The following PTPRN2 variants were observed in gnomAD, a reference collection of about 807,000 sequenced individuals.
The protein encoded by PTPRN2 is protein tyrosine phosphatase receptor type N2.
PTPRN2 carries 74 observed loss-of-function variants against 118.8 expected under a neutral mutation model. That is an observed-to-expected ratio of 0.62 (90% CI 0.52 to 0.76). The LOEUF is 0.76. Ranked by LOEUF, PTPRN2 falls within the 30% of genes least tolerant of loss-of-function variation. PTPRN2 has a pLI of 0.00. For missense variants in PTPRN2, 1,481 were observed against 1,394.4 expected (o/e 1.06, Z -0.99); for synonymous variants, 641 against 608.0 (o/e 1.05, Z -0.80).
In PTPRN2 at chr7:157,750,697, C is replaced by T. The variant is rs910812304; in HGVS notation, c.1789-67760G>A. ...CAAACTCCTGAGGCTTTCAGTTGTC[C>T]TCTCCCTCCGGCTCCAGTGTCGAGT... On this transcript the variant is annotated intron_variant, in intron 12 of 22. Transcript: ENST00000389418. 4.6e-5 allele frequency among the ~76,000 whole-genome samples: 7 copies of T among 152,242 alleles called. No individual in the cohort carries two copies. In the East Asian group the frequency reaches 7.7e-4, roughly 17 times the overall value.
Position 157,893,825 on chromosome 7 carries a change from A to G in PTPRN2, c.1788+4848T>C, listed in dbSNP as rs1175687846. 6.6e-6 allele frequency among the ~76,000 whole-genome samples: 1 copy of G among 152,172 alleles called. No homozygotes were observed. The highest frequency in any genetic ancestry group is 1.9e-4 in the East Asian group (1 of 5,178). On this transcript the variant is annotated intron_variant, in intron 12 of 22. Transcript: ENST00000389418. The surrounding 1 kb of genome is among the most constrained non-coding windows in gnomAD (Gnocchi z 4.0). ...ACAGGAGACAGCACCGGCAGAAAGGAGGAGGGAGCCAGGCCCTGGAGAGTC... is the reference window on the plus strand; with the variant it reads ...ACAGGAGACAGCACCGGCAGAAAGGGGGAGGGAGCCAGGCCCTGGAGAGTC...
intron 12 of PTPRN2, among the ~76,000 whole-genome samples, chr7:157,877,546 C>T (rs1017787813): frequency 3.9e-5 from 6 of 152,100 alleles, no homozygotes; most frequent in African/African-American, 1.4e-4. Context: ...ATCCCAGGTC[C>T]GAGTGCCCTA....
intron 12 of PTPRN2, among the ~76,000 whole-genome samples, chr7:157,684,347 G>A (rs1797058725): frequency 6.6e-6 from 1 of 150,668 alleles, no homozygotes; most frequent in African/African-American, 2.4e-5. Flanking sequence ...CCGCGGAGAG[G>A]GAGGGAGGCT....
At chr7:158,017,130 T>G (rs895004207) in intron 11 of PTPRN2, among the ~76,000 whole-genome samples, 1 of 152,378 alleles carries the variant, frequency 6.6e-6, no homozygotes, top group Non-Finnish European at 1.5e-5. Flanking sequence ...TGGTGCTTCT[T>G]GAAATGCATT....
At chr7:158,050,967 TG>T (rs1203336614) in intron 11 of PTPRN2, among the ~76,000 whole-genome samples, 1 of 152,056 alleles carries the variant, frequency 6.6e-6, no homozygotes, top group Non-Finnish European at 1.5e-5. Context: ...CCACCTGGAG[TG>T]GAAGGTCACC....
intron 5 of PTPRN2, among the ~76,000 whole-genome samples, chr7:158,173,958 CAT>C (rs1476212164): frequency 3.7e-4 from 56 of 152,324 alleles, no homozygotes; most frequent in African/African-American, 1.2e-3. Flanking sequence ...TGTTCAAACA[CAT>C]GTTTTACAGT....
intron 2 of PTPRN2, among the ~76,000 whole-genome samples, chr7:158,472,499 G>A (rs548358625): frequency 7.2e-5 from 11 of 152,152 alleles, no homozygotes; most frequent in Non-Finnish European, 1.5e-4. Flanking sequence ...ATTACTTTAC[G>A]CCATTTCAGT....
chr7:157,842,012 T>C (rs1485128622), intron 12 of PTPRN2, among the ~76,000 whole-genome samples: 1 of 152,236 alleles, frequency 6.6e-6, no homozygotes, highest in Non-Finnish European at 1.5e-5. Context: ...GAACTTTCTC[T>C]TTCTATAGCC....
intron 13 of PTPRN2, among the ~76,000 whole-genome samples, chr7:157,677,945 C>G (rs189070914): frequency 4.6e-5 from 7 of 152,332 alleles, no homozygotes; most frequent in Non-Finnish European, 1.5e-5. Flanking sequence ...CCCGGACAAT[C>G]TGCAAAACCG....
intron 3 of PTPRN2, among the ~76,000 whole-genome samples, chr7:158,238,681 C>T (rs1014810479): frequency 7.9e-5 from 12 of 152,164 alleles, no homozygotes; most frequent in Admixed American, 2.0e-4. Flanking sequence ...CAGCTCCACA[C>T]GGACAGAGGC....
chr7:158,447,930 G>A lies in PTPRN2; in HGVS notation c.163+41805C>T, dbSNP rs530023892. ...TCCTGGCCATGCTACCCAGCCACAC[G>A]GCACAGGGCAAATGCCAGCAGGACA... On this transcript the variant is annotated intron_variant, in intron 2 of 22. Transcript: ENST00000389418. Among the ~76,000 whole-genome samples, 6 of 152,346 alleles carry A rather than the reference G, an allele frequency of 3.9e-5. No homozygotes were observed. In the South Asian group the frequency reaches 1.2e-3, roughly 32 times the overall value.
chr7:158,523,652 C>G (rs1824457354), intron 1 of PTPRN2, among the ~76,000 whole-genome samples: 1 of 139,472 alleles, frequency 7.2e-6, no homozygotes, highest in Non-Finnish European at 1.5e-5. Flanking sequence ...GGAGTCTGCC[C>G]TGGAGTGGAG....
chr7:158,415,769 T>C (rs1454057174), intron 2 of PTPRN2, among the ~76,000 whole-genome samples: 2 of 152,188 alleles, frequency 1.3e-5, no homozygotes, highest in Non-Finnish European at 2.9e-5. Flanking sequence ...AATTGATAAA[T>C]GAGAAAGTTT....
At chr7:158,481,027 C>G (rs1820605280) in intron 2 of PTPRN2, among the ~76,000 whole-genome samples, 2 of 152,232 alleles carry the variant, frequency 1.3e-5, no homozygotes, top group Admixed American at 6.5e-5. Context: ...GATGAAACAG[C>G]CTTACATTGA....
intron 12 of PTPRN2, among the ~76,000 whole-genome samples, chr7:157,805,750 A>C (rs1339533170): frequency 6.6e-6 from 1 of 152,208 alleles, no homozygotes; most frequent in African/African-American, 2.4e-5. Context: ...TGTTTTGCAA[A>C]GCAGAACAGA....
In PTPRN2 at chr7:157,780,095, T is replaced by G. The variant is rs984768702; in HGVS notation, c.1789-97158A>C. Among the ~76,000 whole-genome samples, 1 of 152,192 alleles carries G rather than the reference T, an allele frequency of 6.6e-6. No homozygotes were observed. Among genetic ancestry groups the G allele is most frequent in the African/African-American group, 2.4e-5 (1 of 41,444 alleles). On this transcript the variant is annotated intron_variant, in intron 12 of 22. Transcript: ENST00000389418. This position sits in a 1 kb window ranked among gnomAD's most constrained non-coding sequence, Gnocchi z 4.5. ...TGAATTCTGATTCGATACTTTATAA[T>G]TAGGGCTCACTAGTGACGAGCAAAA...
intron 11 of PTPRN2, among the ~76,000 whole-genome samples, chr7:158,075,979 G>A (rs1045784118): frequency 1.3e-5 from 2 of 152,244 alleles, no homozygotes; most frequent in Non-Finnish European, 2.9e-5. Context: ...CTGTTTCTCA[G>A]CTGCACCCTG....
At chr7:157,701,185 C>T (rs984145381) in intron 12 of PTPRN2, among the ~76,000 whole-genome samples, 4 of 151,970 alleles carry the variant, frequency 2.6e-5, no homozygotes, top group Non-Finnish European at 5.9e-5. Context: ...ATGAAGTATC[C>T]GAAGCTGGTC....
rs112448741 is a variant in PTPRN2 at position 157,628,013 on chromosome 7, C to T, written c.2197-6504G>A. On this transcript the variant is annotated intron_variant, in intron 14 of 22. Coordinates refer to ENST00000389418, the MANE Select transcript of PTPRN2 (RefSeq NM_002847.5). ...CGTTTCTGAATCCATCCTGCCAGTC[C>T]CTGTCTCATGGTGTTTTCTAGCTCA... is the stretch of plus-strand genomic sequence containing the variant. Among the ~76,000 whole-genome samples, 1,473 of 152,286 alleles carry T rather than the reference C, an allele frequency of 9.7e-3. 20 individuals are homozygous for T. The highest frequency in any genetic ancestry group is 0.034 in the African/African-American group (1,397 of 41,530).
Sources: allele counts gnomAD v4.1 joint callset (sites outside exome capture counted in the v4.1 genomes callset), GRCh38; gene constraint gnomAD v4.1.1; non-coding constraint Gnocchi (gnomAD v3.1); transcripts MANE v1.5; gene names NCBI Gene and HGNC (gene_info 2026-07-23, HGNC 2026-07-21).